The following UQCC5 variants were observed in gnomAD, a reference collection of about 807,000 sequenced individuals.
The protein encoded by UQCC5 is UPF0640 protein C3orf78.
chr3:52,540,902 A>C, the UQCC5 span: 1 of 154,940 alleles, frequency 6.5e-6, no homozygotes, highest in Non-Finnish European at 1.4e-5. Flanking sequence ...AGATCATTTA[A>C]ACCAGGATAA....
At chr3:52,540,454 G>T in the UQCC5 span, 1 of 1,531,892 alleles carries the variant, frequency 6.5e-7, no homozygotes, top group South Asian at 1.3e-5. Flanking sequence ...GCCTCAGAAA[G>T]ACAGTATCAG....
the UQCC5 span, among the ~76,000 whole-genome samples, chr3:52,539,335 G>C: frequency 6.6e-6 from 1 of 152,182 alleles, no homozygotes; most frequent in Non-Finnish European, 1.5e-5. Flanking sequence ...GGGTAAGACG[G>C]GGCCAAGGAC....
chr3:52,541,400 C>G, the UQCC5 span: 19 of 152,212 alleles, frequency 1.2e-4, no homozygotes, highest in Admixed American at 4.6e-4. Flanking sequence ...AAAGCTGATG[C>G]TTAAGGCCAT....
the UQCC5 span, among the ~76,000 whole-genome samples, chr3:52,538,117 G>C: frequency 1.3e-5 from 2 of 152,232 alleles, no homozygotes; most frequent in African/African-American, 4.8e-5. Context: ...CTGTATGGCT[G>C]TCCAGAGTTG....
chr3:52,536,623 C>A, the UQCC5 span: 1 of 1,473,936 alleles, frequency 6.8e-7, no homozygotes, highest in Non-Finnish European at 9.0e-7. Flanking sequence ...GCCTACCAGA[C>A]AGTGGCGGAG....
At chr3:52,540,727 A>T in the UQCC5 span, 1 of 371,712 alleles carries the variant, frequency 2.7e-6, no homozygotes, top group Non-Finnish European at 4.8e-6. Context: ...TCACTCGATG[A>T]ATCTAGTCCA....
At chr3:52,537,001 C>A in the UQCC5 span, 1 of 1,475,558 alleles carries the variant, frequency 6.8e-7, no homozygotes, top group Non-Finnish European at 9.2e-7. Flanking sequence ...TTGCAGACCG[C>A]GCATTCCACT....
At chr3:52,536,701 C>T in the UQCC5 span, 13 of 1,542,462 alleles carry the variant, frequency 8.4e-6, no homozygotes, top group South Asian at 1.4e-4. Flanking sequence ...TCGGCTGCGT[C>T]CGGGCGATCC....
chr3:52,538,405 A>G, the UQCC5 span, among the ~76,000 whole-genome samples: 1 of 152,192 alleles, frequency 6.6e-6, no homozygotes, highest in African/African-American at 2.4e-5. Context: ...AGAAATTGGG[A>G]TTTGTGAACC....
the UQCC5 span, among the ~76,000 whole-genome samples, chr3:52,538,498 G>C: frequency 2.0e-5 from 3 of 152,192 alleles, no homozygotes; most frequent in African/African-American, 7.2e-5. Context: ...TTTCGCTCTT[G>C]TTGCCCAGGC....
the UQCC5 span, among the ~76,000 whole-genome samples, chr3:52,538,653 G>A: frequency 6.6e-6 from 1 of 152,098 alleles, no homozygotes; most frequent in East Asian, 1.9e-4. Flanking sequence ...TAGACATGGG[G>A]TGTCTCCATG....
chr3:52,540,355 A>T, the UQCC5 span: 2 of 1,189,260 alleles, frequency 1.7e-6, no homozygotes, highest in Non-Finnish European at 2.4e-6. Context: ...ACTATTGGTT[A>T]AATTATTCAG....
the UQCC5 span, among the ~76,000 whole-genome samples, chr3:52,538,632 T>G: frequency 6.6e-6 from 1 of 152,004 alleles, no homozygotes; most frequent in Non-Finnish European, 1.5e-5. Context: ...CGGCTAATTT[T>G]GTATTTTTAG....
At chr3:52,540,586 G>C in the UQCC5 span, 1 of 855,796 alleles carries the variant, frequency 1.2e-6, no homozygotes. Flanking sequence ...GACACAGCTT[G>C]TCCTTTATCA....
At chr3:52,541,116 A>T in the UQCC5 span, 1 of 152,196 alleles carries the variant, frequency 6.6e-6, no homozygotes, top group Non-Finnish European at 1.5e-5. Flanking sequence ...TAGGATGAAG[A>T]TGTTGCTGTT....
chr3:52,541,867 AAC>A, the UQCC5 span: 3 of 152,334 alleles, frequency 2.0e-5, no homozygotes, highest in African/African-American at 7.2e-5. Context: ...AATAATAGTA[AAC>A]ACTAATAAAA....
the UQCC5 span, chr3:52,536,902 C>T: frequency 6.4e-7 from 1 of 1,551,554 alleles, no homozygotes; most frequent in African/African-American, 1.4e-5. Context: ...GCCAGGAGAC[C>T]TTCTGTAAGT....
At chr3:52,538,087 G>A in the UQCC5 span, among the ~76,000 whole-genome samples, 1 of 152,238 alleles carries the variant, frequency 6.6e-6, no homozygotes, top group African/African-American at 2.4e-5. Context: ...CTTGTGGACA[G>A]ATTGGTAGGA....
the UQCC5 span, chr3:52,536,978 G>C: frequency 6.6e-7 from 1 of 1,526,706 alleles, no homozygotes; most frequent in South Asian, 1.2e-5. Flanking sequence ...TTTTTCTGGG[G>C]AGTATTCTCA....
Sources: gnomAD v4.1 joint callset for allele counts (sites outside exome capture counted in the v4.1 genomes callset) on GRCh38, gnomAD v4.1.1 for gene constraint, MANE v1.5 for transcripts, NCBI Gene and HGNC (gene_info 2026-07-23, HGNC 2026-07-21) for gene names.